The following TANC1 variants were observed in gnomAD, a reference collection of about 807,000 sequenced individuals.
TANC1 encodes protein TANC1.
Under a neutral mutation model 149.7 loss-of-function variants are expected in TANC1, and 77 were observed. That is an observed-to-expected ratio of 0.51 (90% CI 0.43 to 0.62). The LOEUF (loss-of-function observed/expected upper bound fraction) is 0.62, where lower values mean the gene tolerates loss of function less well. Among genes scored for constraint, TANC1 ranks in the 20% least tolerant of loss-of-function variants. The pLI is 0.00. For missense variants in TANC1, 1,985 were observed against 2,321.8 expected, an observed-to-expected ratio of 0.85 and a Z score of 2.98; for synonymous variants, 854 against 925.0, an observed-to-expected ratio of 0.92 and a Z score of 1.39.
At chr2:158,972,499 G>T (rs961413733) in intron 1 of TANC1, among the ~76,000 whole-genome samples, 15 of 152,142 alleles carry the variant, frequency 9.9e-5, no homozygotes, top group African/African-American at 3.6e-4. Flanking sequence ...CTAAATGTTT[G>T]TGCTTTGTCC....
rs372137755 is a variant in TANC1, at chr2:159,040,269, G to A, written c.-15-25627G>A. Among the ~76,000 whole-genome samples the A allele has an allele frequency of 2.0e-4, 30 of 152,136 alleles. No individual in the cohort carries two copies. In the East Asian group the frequency reaches 5.6e-3, roughly 28 times the overall value. On this transcript the variant is annotated intron_variant, in intron 2 of 26. Coordinates refer to ENST00000263635, the MANE Select transcript of TANC1 (RefSeq NM_033394.3). The stretch of plus-strand genomic sequence containing the variant: ...TGCTCTTCTCAAGGAGTATCTTTGT[G>A]GTGTTCTCTGTATTTCCTGAATTTG...
intron 18 of TANC1, among the ~76,000 whole-genome samples, chr2:159,198,488 C>T (rs751224728): frequency 1.3e-5 from 2 of 152,228 alleles, no homozygotes; most frequent in African/African-American, 4.8e-5. Flanking sequence ...ATACCTGTGA[C>T]TTGACCCGCC....
chr2:159,225,727 T>C lies in TANC1; in HGVS notation c.3851T>C (p.Ile1284Thr), dbSNP rs1239359627. 1.2e-6 allele frequency: 2 copies of C among 1,614,176 alleles called. No homozygotes were observed. Among genetic ancestry groups the C allele is most frequent in the Non-Finnish European group, 1.7e-6 (2 of 1,179,998 alleles). The change falls in exon 24 of 27, where the codon ATC (isoleucine) becomes ACC (threonine). Residue 1284 changes from isoleucine to threonine, a missense_variant. Physicochemically the swap from Ile to Thr is moderately conservative, Grantham distance 89. Coordinates refer to ENST00000263635, the MANE Select transcript of TANC1 (RefSeq NM_033394.3). ...GCGATGGCCACTTCCAAACCTGATATCTTGATTATACTTTTACAGAAATTA... is the reference window on the plus strand; with the variant it reads ...GCGATGGCCACTTCCAAACCTGATACCTTGATTATACTTTTACAGAAATTA... ...AWAMATSKPD[I>T]LIILLQKLME...
Position 159,112,913 on chromosome 2 carries a change from A to C in TANC1, c.259+15079A>C, listed in dbSNP as rs185335441. 5.2e-3 allele frequency among the ~76,000 whole-genome samples: 795 copies of C among 151,434 alleles called. 4 individuals are homozygous for C. The highest frequency in any genetic ancestry group is 7.9e-3 in the Non-Finnish European group (538 of 67,898). ...TTTTTTTTTAAGGTTGTGAAGTTTAAGCAGATTTTTTTCTTTTTAAACTTA... is the reference window on the plus strand; with the variant it reads ...TTTTTTTTTAAGGTTGTGAAGTTTACGCAGATTTTTTTCTTTTTAAACTTA... On this transcript the variant is annotated intron_variant, in intron 4 of 26. Transcript: ENST00000263635.
At chr2:159,050,157 A>G (rs2041362399) in intron 2 of TANC1, among the ~76,000 whole-genome samples, 1 of 152,216 alleles carries the variant, frequency 6.6e-6, no homozygotes, top group African/African-American at 2.4e-5. Context: ...ATCTAGGCTC[A>G]AGTGCAATGG....
At chr2:159,191,786 G>T (rs998273) in intron 16 of TANC1, among the ~76,000 whole-genome samples, 48,848 of 151,956 alleles carry the variant, frequency 0.32, 8,153 homozygotes, top group Non-Finnish European at 0.37. Context: ...ATACCATGAA[G>T]TTTTTATGCC....
intron 1 of TANC1, among the ~76,000 whole-genome samples, chr2:158,984,408 G>C (rs1428551661): frequency 6.6e-6 from 1 of 152,176 alleles, no homozygotes; most frequent in Non-Finnish European, 1.5e-5. Flanking sequence ...CATAAGAGTG[G>C]TGTTAGCCAA....
At position 159,067,213 on chromosome 2, in the gene TANC1, C is replaced by T. The variant is rs186643136; in HGVS notation, c.61+1242C>T. 5.7e-3 allele frequency among the ~76,000 whole-genome samples: 874 copies of T among 152,254 alleles called. 6 individuals carry two copies. The highest frequency in any genetic ancestry group is 0.02 in the African/African-American group (813 of 41,554). On this transcript the variant is annotated intron_variant, in intron 3 of 26. Transcript: ENST00000263635. ...CTTATATAAGAGAATAAGTGGATTTCTAACGTTTTTGGTTATATAGAACCT... is the reference window on the plus strand; with the variant it reads ...CTTATATAAGAGAATAAGTGGATTTTTAACGTTTTTGGTTATATAGAACCT...
At chr2:159,033,037 T>C (rs2039905492) in intron 2 of TANC1, among the ~76,000 whole-genome samples, 1 of 152,130 alleles carries the variant, frequency 6.6e-6, no homozygotes, top group Non-Finnish European at 1.5e-5. Context: ...GAGCAAGCCT[T>C]GGCCGGTCCG....
At chr2:159,038,482 G>A (rs1188405980) in intron 2 of TANC1, among the ~76,000 whole-genome samples, 4 of 152,192 alleles carry the variant, frequency 2.6e-5, no homozygotes, top group African/African-American at 9.6e-5. Flanking sequence ...GATATTGGCT[G>A]TGAGTTTGTC....
intron 5 of TANC1, among the ~76,000 whole-genome samples, chr2:159,141,511 G>A (rs1476366236): frequency 2.6e-5 from 4 of 152,288 alleles, no homozygotes; most frequent in Middle Eastern, 3.4e-3. Flanking sequence ...ACAACTTCAC[G>A]CCTTTGAGAC....
In TANC1 at chr2:159,005,629, A is replaced by G. The variant is rs551793145; in HGVS notation, c.-16+4440A>G. Among the ~76,000 whole-genome samples, 30 of 152,148 alleles carry G rather than the reference A, an allele frequency of 2.0e-4. 1 individual carries two copies. Among genetic ancestry groups the G allele is most frequent in the African/African-American group, 7.0e-4 (29 of 41,560 alleles). ...TCTGTATCTATTAATGCTAGTTTTT[A>G]TAATTCATTTTATTAAAAATAAATA... On this transcript the variant is annotated intron_variant, in intron 2 of 26. Coordinates refer to ENST00000263635, the MANE Select transcript of TANC1 (RefSeq NM_033394.3).
chr2:159,041,732 G>T (rs1458555608), intron 2 of TANC1, among the ~76,000 whole-genome samples: 3 of 152,192 alleles, frequency 2.0e-5, no homozygotes, highest in Non-Finnish European at 4.4e-5. Context: ...CCTACCCCTT[G>T]TACTTCCTGG....
chr2:158,995,842 C>T (rs1247816066), intron 1 of TANC1, among the ~76,000 whole-genome samples: 1 of 152,168 alleles, frequency 6.6e-6, no homozygotes, highest in East Asian at 1.9e-4. Context: ...TCTCGGATTA[C>T]AGCCGACCCG....
In TANC1 at chr2:158,979,826, G is replaced by T. The variant is rs146255452; in HGVS notation, c.-126+11044G>T. ...TAAATTAAGTTAATTCCATTTCAAA[G>T]AACTTTTGCAGTGGGATTTCATATT... On this transcript the variant is annotated intron_variant, in intron 1 of 26. Coordinates refer to ENST00000263635, the MANE Select transcript of TANC1 (RefSeq NM_033394.3). 5.2e-4 allele frequency among the ~76,000 whole-genome samples: 79 copies of T among 152,270 alleles called. 1 individual carries two copies. In the East Asian group the frequency reaches 0.015, roughly 29 times the overall value.
chr2:159,041,535 C>A (rs544386598), intron 2 of TANC1, among the ~76,000 whole-genome samples: 2 of 152,224 alleles, frequency 1.3e-5, no homozygotes, highest in Non-Finnish European at 2.9e-5. Context: ...GCAGCTCGAT[C>A]TCGGACTGCT....
intron 16 of TANC1, among the ~76,000 whole-genome samples, chr2:159,191,106 G>C (rs926105239): frequency 3.3e-5 from 5 of 152,168 alleles, no homozygotes; most frequent in African/African-American, 1.2e-4. Flanking sequence ...TGTTCACCTG[G>C]ATCTGGCTAG....
chr2:159,046,185 T>C (rs1006496042), intron 2 of TANC1, among the ~76,000 whole-genome samples: 2 of 152,020 alleles, frequency 1.3e-5, no homozygotes, highest in African/African-American at 4.8e-5. Flanking sequence ...CTTTAGAAAA[T>C]AGATAGGAAC....
intron 2 of TANC1, among the ~76,000 whole-genome samples, chr2:159,046,588 A>AATTT (rs2041064785): frequency 1.8e-5 from 1 of 54,594 alleles, no homozygotes. Context: ...TCTTTTCTTT[A>AATTT]CTTTTTTTTT....
Sources: allele counts gnomAD v4.1 joint callset (sites outside exome capture counted in the v4.1 genomes callset), GRCh38; gene constraint gnomAD v4.1.1; transcripts MANE v1.5; gene names NCBI Gene and HGNC (gene_info 2026-07-23, HGNC 2026-07-21).